VGLL4: variants seen among roughly 807,000 people sequenced by gnomAD.
VGLL4 encodes transcription cofactor vestigial-like protein 4.
VGLL4 carries 7 observed loss-of-function variants against 21.0 expected under a neutral mutation model. That is an observed-to-expected ratio of 0.33 (90% CI 0.19 to 0.63). The LOEUF (loss-of-function observed/expected upper bound fraction) is 0.63. VGLL4 is among the 20% of genes least tolerant of loss of function. VGLL4 has a pLI of 0.78. For missense variants in VGLL4, 394 were observed against 425.7 expected (o/e 0.93, Z 0.66); for synonymous variants, 222 against 173.2 (o/e 1.28, Z -2.21).
intron 2 of VGLL4, among the ~76,000 whole-genome samples, chr3:11,588,394 C>T (rs2074408566): frequency 6.6e-6 from 1 of 152,226 alleles, no homozygotes; most frequent in African/African-American, 2.4e-5. Flanking sequence ...TTCAGAACCA[C>T]ACTGGAGGAT....
chr3:11,624,428 C>A (rs1357773366), intron 1 of VGLL4, among the ~76,000 whole-genome samples: 1 of 152,150 alleles, frequency 6.6e-6, no homozygotes, highest in Admixed American at 6.5e-5. Flanking sequence ...AGATTTAGGC[C>A]GTCCTGGTTA....
chr3:11,581,542 G>A (rs1001278250), intron 2 of VGLL4, among the ~76,000 whole-genome samples: 4 of 152,214 alleles, frequency 2.6e-5, no homozygotes, highest in Non-Finnish European at 5.9e-5. Context: ...GGGGACAAAA[G>A]GGTGGGAGGA....
chr3:11,576,060 T>C (rs1231176307), intron 2 of VGLL4, among the ~76,000 whole-genome samples: 2 of 152,232 alleles, frequency 1.3e-5, no homozygotes, highest in Non-Finnish European at 2.9e-5. Flanking sequence ...TTAGCTTTAG[T>C]TTTTTAAGAA....
At chr3:11,617,686 A>T (rs2075188201) in intron 1 of VGLL4, among the ~76,000 whole-genome samples, 1 of 152,202 alleles carries the variant, frequency 6.6e-6, no homozygotes, top group African/African-American at 2.4e-5. Context: ...TAACTCTCTC[A>T]ATGTTGACCC....
intron 3 of VGLL4, among the ~76,000 whole-genome samples, 191 bp from the exon 4 acceptor site, chr3:11,559,646 G>A (rs1277410749): frequency 2.0e-5 from 3 of 152,246 alleles, no homozygotes; most frequent in African/African-American, 4.8e-5. Context: ...CTCCAAGGGT[G>A]TGTGTAGTGG....
chr3:11,625,387 C>G (rs1575466334), intron 1 of VGLL4, among the ~76,000 whole-genome samples: 1 of 152,204 alleles, frequency 6.6e-6, no homozygotes, highest in Admixed American at 6.5e-5. Flanking sequence ...AGCTGAATGA[C>G]ATTTGGTTCT....
At chr3:11,625,207 T>C (rs2075329799) in intron 1 of VGLL4, among the ~76,000 whole-genome samples, 1 of 152,194 alleles carries the variant, frequency 6.6e-6, no homozygotes, top group South Asian at 2.1e-4. Flanking sequence ...AATGGATCAC[T>C]CATAATAACT....
At chr3:11,571,277 A>G (rs2073764705) in intron 2 of VGLL4, among the ~76,000 whole-genome samples, 1 of 152,170 alleles carries the variant, frequency 6.6e-6, no homozygotes, top group African/African-American at 2.4e-5. Flanking sequence ...ACATTGCTTA[A>G]TAATTGAAAA....
intron 1 of VGLL4, among the ~76,000 whole-genome samples, chr3:11,641,941 T>G (rs1433046878): frequency 6.6e-6 from 1 of 152,074 alleles, no homozygotes; most frequent in East Asian, 1.9e-4. Context: ...TTTTAAAATA[T>G]CGTATTACTT....
intron 1 of VGLL4, among the ~76,000 whole-genome samples, chr3:11,617,511 C>T (rs914359574): frequency 3.9e-5 from 6 of 152,140 alleles, no homozygotes; most frequent in South Asian, 4.1e-4. Flanking sequence ...AGGGCAGGGA[C>T]GCAAGCGTTA....
rs114615524 is a variant in VGLL4, at chr3:11,578,748, C to T, written c.273-13729G>A. 6.1e-3 allele frequency among the ~76,000 whole-genome samples: 640 copies of T among 104,466 alleles called. 1 individual carries two copies. The highest frequency in any genetic ancestry group is 0.052 in the Middle Eastern group (7 of 134). The allele number at this position is 104,466 out of a possible 152,430, so 68.5% of individuals were successfully genotyped here. ...TTTTGAGGCATCTACTGTATATTTTCTTTTTTTTTTTTTTTTTTTGAGATG... is the reference window on the plus strand; with the variant it reads ...TTTTGAGGCATCTACTGTATATTTTTTTTTTTTTTTTTTTTTTTTGAGATG... On this transcript the variant is annotated intron_variant, in intron 2 of 4. Coordinates refer to ENST00000430365, the MANE Select transcript of VGLL4 (RefSeq NM_001128219.3).
rs866112503 is a variant in VGLL4 at position 11,642,062 on chromosome 3, A to G, written c.82+1375T>C. Among the ~76,000 whole-genome samples, 20 of 152,066 alleles carry G rather than the reference A, an allele frequency of 1.3e-4. 1 individual carries two copies. The Middle Eastern group carries it at 0.014, about 103-fold the overall frequency. On this transcript the variant is annotated intron_variant, in intron 1 of 4. Coordinates refer to ENST00000430365, the MANE Select transcript of VGLL4 (RefSeq NM_001128219.3). Reference sequence around the variant, plus strand: ...CAAGAAAAACAAAACCCTGACTACAATGTGTGAATGTCACGGGAAACAAGC... The same window carrying G: ...CAAGAAAAACAAAACCCTGACTACAGTGTGTGAATGTCACGGGAAACAAGC...
At chr3:11,671,277 G>C in intron 2 of VGLL4, 2 of 1,597,610 alleles carry the variant, frequency 1.3e-6, no homozygotes, top group Non-Finnish European at 1.7e-6. Context: ...TGCAGACCTG[G>C]ATGTCTCCAA....
At chr3:11,575,186 C>T (rs2074001032) in intron 2 of VGLL4, among the ~76,000 whole-genome samples, 1 of 152,126 alleles carries the variant, frequency 6.6e-6, no homozygotes, top group Admixed American at 6.5e-5. Flanking sequence ...CTGCCAATGC[C>T]CGGAGGGTTT....
chr3:11,558,888 T>C, intron 4 of VGLL4, 61 bp from the exon 5 acceptor site: 1 of 1,574,744 alleles, frequency 6.4e-7, no homozygotes. Flanking sequence ...ACAGGCACGG[T>C]TGCAGCACCC....
At chr3:11,678,544 T>C (rs902871184) in intron 2 of VGLL4, among the ~76,000 whole-genome samples, 11 of 152,200 alleles carry the variant, frequency 7.2e-5, no homozygotes, top group Admixed American at 6.5e-4. Context: ...GCTGTGACCT[T>C]AGCATTTCAT....
At chr3:11,574,030 C>A (rs1220017773) in intron 2 of VGLL4, among the ~76,000 whole-genome samples, 3 of 152,168 alleles carry the variant, frequency 2.0e-5, no homozygotes, top group African/African-American at 7.2e-5. Flanking sequence ...AGGCCACCAG[C>A]AGCTGAGAGA....
intron 1 of VGLL4, among the ~76,000 whole-genome samples, chr3:11,603,533 T>C (rs2074856885): frequency 6.6e-6 from 1 of 152,232 alleles, no homozygotes; most frequent in African/African-American, 2.4e-5. Context: ...TTATTTGTGA[T>C]ACTTCCTCCT....
chr3:11,602,037 A>T lies in VGLL4; in HGVS notation c.83-15T>A. On this transcript the variant is annotated splice_polypyrimidine_tract_variant and intron_variant, in intron 1 of 4. Coordinates refer to ENST00000430365, the MANE Select transcript of VGLL4 (RefSeq NM_001128219.3). ...AGCAGCTTCGCCTACGCAGAGAGAG[A>T]TGATGTAGTCACTAAGCAGGAGAAA... is the stretch of plus-strand genomic sequence containing the variant. 1 of 1,524,864 alleles carries T rather than the reference A, an allele frequency of 6.6e-7. No individual in the cohort carries two copies. The highest frequency in any genetic ancestry group is 8.8e-7 in the Non-Finnish European group (1 of 1,141,812). The allele number at this position is 1,524,864 out of a possible 1,614,324, so 94.5% of individuals were successfully genotyped here.
Sources: allele counts gnomAD v4.1 joint callset (sites outside exome capture counted in the v4.1 genomes callset), GRCh38; gene constraint gnomAD v4.1.1; transcripts MANE v1.5; gene names NCBI Gene and HGNC (gene_info 2026-07-23, HGNC 2026-07-21).